PROSER3: variants seen among roughly 807,000 people sequenced by gnomAD.
The protein encoded by PROSER3 is proline and serine-rich protein 3.
PROSER3 carries 33 observed loss-of-function variants against 50.2 expected under a neutral mutation model. The observed-to-expected ratio is 0.66, with a 90% CI of 0.50 to 0.88. PROSER3 has a LOEUF of 0.88. Among genes scored for constraint, PROSER3 ranks in the 40% least tolerant of loss-of-function variants. PROSER3 has a pLI of 0.00. For missense variants in PROSER3, 623 were observed against 612.7 expected (o/e 1.02, Z -0.18); for synonymous variants, 266 against 259.3 (o/e 1.03, Z -0.25).
intron 8 of PROSER3, chr19:35,767,578 A>G: frequency 1.7e-6 from 1 of 582,686 alleles, no homozygotes; most frequent in South Asian, 2.2e-5. Flanking sequence ...CCCCTCGCCC[A>G]GAGGCTGCCG....
At chr19:35,760,783 C>G (rs910679842) in intron 3 of PROSER3, among the ~76,000 whole-genome samples, 1 of 152,120 alleles carries the variant, frequency 6.6e-6, no homozygotes, top group Non-Finnish European at 1.5e-5. Flanking sequence ...CACTGCCAGG[C>G]CTAAATTGGG....
In PROSER3 at chr19:35,768,137, C is replaced by G. The variant is rs1971232992; in HGVS notation, c.1220-18C>G. ...AGAGGCCGGCCCCTTGGAGCTCATT[C>G]TTTTCTCCCCGGCCCAGACTCCGAC... On this transcript the variant is annotated intron_variant, in intron 9 of 10. Transcript: ENST00000396908. 6.2e-7 allele frequency: 1 copy of G among 1,611,024 alleles called. No individual in the cohort carries two copies. The highest frequency in any genetic ancestry group is 8.5e-7 in the Non-Finnish European group (1 of 1,178,476).
In PROSER3 at chr19:35,758,290, C is replaced by T. The variant is rs965653643; in HGVS notation, c.11+64C>T. 79 of 1,521,610 alleles carry T rather than the reference C, an allele frequency of 5.2e-5. No homozygotes were observed. In the East Asian group the frequency reaches 2.0e-3, roughly 38 times the overall value. 94.3% of individuals were successfully genotyped at this position (1,521,610 alleles called of 1,614,324 possible). On this transcript the variant is annotated intron_variant, in intron 1 of 10. Transcript: ENST00000396908. ...GGGAGGACCAACGGCGAGAGCAGCA[C>T]AGCCTAGGACGGGCTGGATACGGTC...
At chr19:35,760,826 T>C (rs1970932713) in intron 3 of PROSER3, among the ~76,000 whole-genome samples, 1 of 152,206 alleles carries the variant, frequency 6.6e-6, no homozygotes, top group Non-Finnish European at 1.5e-5. Context: ...TAGGGCTGTT[T>C]TGAGCTTTCA....
At chr19:35,760,235 A>G (rs1179942084) in intron 3 of PROSER3, among the ~76,000 whole-genome samples, 2 of 151,894 alleles carry the variant, frequency 1.3e-5, no homozygotes, top group African/African-American at 4.8e-5. Context: ...TTATTTGTTT[A>G]GAGACAGGGT....
At chr19:35,759,494 C>A in intron 2 of PROSER3, 24 bp downstream of exon 2, 1 of 1,583,156 alleles carries the variant, frequency 6.3e-7, no homozygotes, top group Non-Finnish European at 8.6e-7. Context: ...TCAAAGAGTG[C>A]TGAGTGCCAG....
intron 7 of PROSER3, among the ~76,000 whole-genome samples, chr19:35,765,873 G>A (rs1971124549): frequency 6.6e-6 from 1 of 152,138 alleles, no homozygotes; most frequent in Non-Finnish European, 1.5e-5. Context: ...GGAAGCCAGG[G>A]AAGGTGACCA....
chr19:35,767,612 G>C (rs1381778051), intron 8 of PROSER3: 16 of 669,480 alleles, frequency 2.4e-5, no homozygotes, highest in Non-Finnish European at 4.0e-5. Context: ...AGCTGGCCAG[G>C]GACCTGGCCC....
exon 5 of PROSER3, chr19:35,762,256 G>A: frequency 1.2e-6 from 2 of 1,610,582 alleles, no homozygotes; most frequent in South Asian, 1.1e-5. Flanking sequence ...TTCTCAGCAG[G>A]AGCCAACAAA....
rs146460331 is a variant in PROSER3 at position 35,764,946 on chromosome 19, C to T, written c.626+10C>T. ...GGCTGCTCAAACGCAGGTGCCCGCA[C>T]CCCTGCCCCCATCACCCTTCCTACT... On this transcript the variant is annotated intron_variant, in intron 6 of 10. Coordinates refer to ENST00000396908, the Ensembl canonical transcript of PROSER3. 3,028 of 1,613,508 alleles carry T rather than the reference C, an allele frequency of 1.9e-3. 6 individuals carry two copies. Among genetic ancestry groups the T allele is most frequent in the Non-Finnish European group, 2.3e-3 (2,727 of 1,179,846 alleles).
chr19:35,766,687 A>G, intron 7 of PROSER3, 81 bp from the exon 8 acceptor site: 1 of 966,076 alleles, frequency 1.0e-6, no homozygotes, highest in Non-Finnish European at 1.6e-6. Flanking sequence ...GCACAGTTGG[A>G]GGGCGTGTGT....
In PROSER3 at chr19:35,762,244, G is replaced by A. The variant is rs908782020; in HGVS notation, c.440-9G>A. On this transcript the variant is annotated splice_polypyrimidine_tract_variant and intron_variant, in intron 4 of 10. Transcript: ENST00000396908. Reference sequence around the variant, plus strand: ...TCCTGGCCCTCATACCTCAACTGGGGCTTCTCAGCAGGAGCCAACAAACCA... The same window carrying A: ...TCCTGGCCCTCATACCTCAACTGGGACTTCTCAGCAGGAGCCAACAAACCA... The A allele has an allele frequency of 6.2e-7, 1 of 1,608,506 alleles. No individual in the cohort carries two copies. The highest frequency in any genetic ancestry group is 8.5e-7 in the Non-Finnish European group (1 of 1,175,684).
At chr19:35,768,479 G>T (rs1400317869) in exon 11 of PROSER3, 3 of 1,598,094 alleles carry the variant, frequency 1.9e-6, no homozygotes, top group Non-Finnish European at 2.5e-6. Context: ...CAGCCGGGTC[G>T]CCCCCTAGGT....
At chr19:35,770,181 G>C (rs1452954657), downstream of PROSER3, among the ~76,000 whole-genome samples, 1 of 151,992 alleles carries the variant, frequency 6.6e-6, no homozygotes, top group Non-Finnish European at 1.5e-5. Flanking sequence ...GGGATTACAG[G>C]CATGAGCCAT....
intron 1 of PROSER3, 82 bp downstream of exon 1, chr19:35,758,308 A>C: frequency 6.7e-7 from 1 of 1,492,230 alleles, no homozygotes; most frequent in African/African-American, 1.4e-5. Flanking sequence ...GACGGGCTGG[A>C]TACGGTCTGG....
chr19:35,767,058 T>G lies in PROSER3; in HGVS notation c.957+103T>G. On this transcript the variant is annotated intron_variant, in intron 8 of 10. Coordinates refer to ENST00000396908, the Ensembl canonical transcript of PROSER3. Reference sequence around the variant, plus strand: ...TCTCTCTCTCTGTCTCAGATCTCTCTTATCTGTCTACAGACCTCTCCTGCT... The same window carrying G: ...TCTCTCTCTCTGTCTCAGATCTCTCGTATCTGTCTACAGACCTCTCCTGCT... The G allele has an allele frequency of 7.4e-7, 1 of 1,358,080 alleles. No individual in the cohort carries two copies. Among genetic ancestry groups the G allele is most frequent in the Non-Finnish European group, 9.9e-7 (1 of 1,006,820 alleles). 84.1% of individuals were successfully genotyped at this position (1,358,080 alleles called of 1,614,324 possible).
chr19:35,768,421 T>A lies in PROSER3; in HGVS notation c.1319T>A (p.Leu440Ter). 6.3e-7 allele frequency: 1 copy of A among 1,597,102 alleles called. No homozygotes were observed. Among genetic ancestry groups the A allele is most frequent in the Non-Finnish European group, 8.5e-7 (1 of 1,179,190 alleles). ...TTCTCCAGGGAAGCGGATGCCCGATTATCGTTCCTGTTGGACCAGGCTGAA... is the reference window on the plus strand; with the variant it reads ...TTCTCCAGGGAAGCGGATGCCCGATAATCGTTCCTGTTGGACCAGGCTGAA... Residue 440 changes from leucine to a stop codon, truncating the protein, a stop_gained, in exon 11 of 11, where the codon TTA becomes TAA. Coordinates refer to ENST00000396908, the Ensembl canonical transcript of PROSER3. LOFTEE classifies it low-confidence loss of function (END_TRUNC).
exon 3 of PROSER3, chr19:35,759,888 C>T (rs897068154): frequency 6.3e-7 from 1 of 1,593,958 alleles, no homozygotes; most frequent in Non-Finnish European, 8.5e-7. Context: ...GGAGTCCTGG[C>T]CATCCAGTTC....
intron 1 of PROSER3, chr19:35,758,932 A>C (rs548008445): frequency 2.1e-4 from 33 of 159,544 alleles, no homozygotes; most frequent in Admixed American, 1.8e-3. Flanking sequence ...GTGTAATCCC[A>C]AAGTGCTGGG....
Sources: gnomAD v4.1 joint callset for allele counts (sites outside exome capture counted in the v4.1 genomes callset) on GRCh38, gnomAD v4.1.1 for gene constraint, MANE v1.5 for transcripts, NCBI Gene and HGNC (gene_info 2026-07-23, HGNC 2026-07-21) for gene names.